APC: variants seen among roughly 807,000 people sequenced by gnomAD.
APC encodes adenomatous polyposis coli protein.
APC carries 72 observed loss-of-function variants against 247.0 expected under a neutral mutation model. That is an observed-to-expected ratio of 0.29 (90% CI 0.24 to 0.35). The LOEUF (loss-of-function observed/expected upper bound fraction) is 0.35, where lower values mean the gene tolerates loss of function less well. Among genes scored for constraint, APC ranks in the 10% least tolerant of loss-of-function variants. APC has a pLI of 1.00. For missense variants in APC, 3,400 were observed against 3,360.7 expected, an observed-to-expected ratio of 1.01 and a Z score of -0.29; for synonymous variants, 1,254 against 1,162.5, an observed-to-expected ratio of 1.08 and a Z score of -1.60.
Position 112,801,149 on chromosome 5 carries a change from C to G in APC, c.730-130C>G, listed in dbSNP as rs77553156. On this transcript the variant is annotated intron_variant, in intron 7 of 15. Transcript: ENST00000257430. ...ACTGGAGGTTATGAAGTGTAATACA[C>G]AGTTCCATGCCTTTATCAGTCTGTA... 1.8e-5 allele frequency: 12 copies of G among 665,334 alleles called. No homozygotes were observed. In the East Asian group the frequency reaches 3.5e-4, roughly 20 times the overall value. The allele number at this position is 665,334 out of a possible 1,614,324, so 41.2% of individuals were successfully genotyped here. A position where few individuals can be genotyped will look rare whatever the true frequency, so the allele number is the denominator to read the frequency against.
chr5:112,727,586 G>T (rs903941823), intron 1 of APC, among the ~76,000 whole-genome samples: 1 of 152,120 alleles, frequency 6.6e-6, no homozygotes, highest in Non-Finnish European at 1.5e-5. Flanking sequence ...GGGCTGATTT[G>T]TGTGTTATAA....
At chr5:112,742,730 C>T (rs1022959747) in intron 1 of APC, among the ~76,000 whole-genome samples, 5 of 152,140 alleles carry the variant, frequency 3.3e-5, no homozygotes, top group Non-Finnish European at 7.3e-5. Flanking sequence ...AGCCACACAC[C>T]ATTGCTTCTG....
At chr5:112,727,073 T>C (rs1036629175) in intron 1 of APC, among the ~76,000 whole-genome samples, 1 of 151,996 alleles carries the variant, frequency 6.6e-6, no homozygotes, top group African/African-American at 2.4e-5. Flanking sequence ...TTTTTGCCAT[T>C]GAAAGTAATG....
At chr5:112,768,042 T>A (rs900312792) in intron 4 of APC, among the ~76,000 whole-genome samples, 1 of 150,814 alleles carries the variant, frequency 6.6e-6, no homozygotes, top group Non-Finnish European at 1.5e-5. Flanking sequence ...TAAGACTCTT[T>A]CTTTTTTTTT....
rs1060504890 is a variant in APC, at chr5:112,840,352, G to A, written c.4758G>A (p.Lys1586=). The part of the protein sequence containing the change: ...EECIISAMPT[K]SSRKAKKPAQ... ...GTATTATTTCTGCCATGCCAACAAA[G>A]TCATCACGTAAAGCAAAAAAGCCAG... The change falls in exon 16 of 16, where the codon AAG becomes AAA. Residue 1586 remains lysine, a synonymous_variant. Transcript: ENST00000257430. This position sits in a 1 kb window ranked among gnomAD's most constrained non-coding sequence, Gnocchi z 4.1. 5 of 1,614,168 alleles carry A rather than the reference G, an allele frequency of 3.1e-6. No homozygotes were observed. Among genetic ancestry groups the A allele is most frequent in the Non-Finnish European group, 4.2e-6 (5 of 1,180,018 alleles).
At chr5:112,777,455 A>G (rs1757785249) in intron 5 of APC, among the ~76,000 whole-genome samples, 2 of 152,202 alleles carry the variant, frequency 1.3e-5, no homozygotes, top group African/African-American at 2.4e-5. Context: ...GAAGGAAGCA[A>G]CTACAGAAAG....
chr5:112,751,467 C>T (rs1754356736), intron 1 of APC, among the ~76,000 whole-genome samples: 1 of 152,044 alleles, frequency 6.6e-6, no homozygotes, highest in South Asian at 2.1e-4. Flanking sequence ...TCTTGGTATA[C>T]CAGAATAAGA....
chr5:112,740,530 T>C (rs1253251599), intron 1 of APC, among the ~76,000 whole-genome samples: 7 of 144,476 alleles, frequency 4.8e-5, no homozygotes, highest in African/African-American at 1.5e-4. Context: ...TTTTCTTTTT[T>C]TTTTTTTTTT....
At position 112,767,242 on chromosome 5, in the gene APC, T is replaced by G. The variant is rs1554069716; in HGVS notation, c.274T>G (p.Ser92Ala). ...TGGAGTAAAACTGCGGTCAAAAATG[T>G]CCCTCCGTTCTTATGGAAGCCGGGA... The part of the protein sequence containing the change: ...FPGVKLRSKM[S>A]LRSYGSREGS... Residue 92 changes from serine (S) to alanine (A), a missense_variant, in exon 4 of 16, where the codon TCC becomes GCC. Ser to Ala is a moderately conservative substitution (Grantham distance 99). Around this residue, in one of 9 missense-constraint regions of APC, gnomAD observed 372 missense variants for 367.6 expected, o/e 1.01. Coordinates refer to ENST00000257430, the MANE Select transcript of APC (RefSeq NM_000038.6). 3.1e-6 allele frequency: 5 copies of G among 1,614,168 alleles called. No homozygotes were observed. Among genetic ancestry groups the G allele is most frequent in the Non-Finnish European group, 3.4e-6 (4 of 1,180,026 alleles).
chr5:112,832,661 C>G (rs903728187), intron 14 of APC, among the ~76,000 whole-genome samples: 1 of 152,168 alleles, frequency 6.6e-6, no homozygotes, highest in Non-Finnish European at 1.5e-5. Context: ...TTCCCACTTC[C>G]CTGCCTTTCC....
chr5:112,822,342 A>G (rs1475706420), intron 11 of APC, among the ~76,000 whole-genome samples: 2 of 152,206 alleles, frequency 1.3e-5, no homozygotes, highest in Admixed American at 6.5e-5. Context: ...TTATTTTGAA[A>G]TGTGGAGCTG....
intron 1 of APC, among the ~76,000 whole-genome samples, chr5:112,729,244 A>G (rs1402914022): frequency 6.6e-6 from 1 of 152,142 alleles, no homozygotes; most frequent in Non-Finnish European, 1.5e-5. Context: ...TCTTCATGGG[A>G]TTTATATTCC....
At chr5:112,745,342 G>C (rs552956307) in intron 1 of APC, among the ~76,000 whole-genome samples, 1 of 152,002 alleles carries the variant, frequency 6.6e-6, no homozygotes, top group South Asian at 2.1e-4. Flanking sequence ...GATCTTTGAA[G>C]TATCCCCTAG....
chr5:112,777,430 A>G (rs975022078), intron 5 of APC, among the ~76,000 whole-genome samples: 1 of 152,130 alleles, frequency 6.6e-6, no homozygotes, highest in Non-Finnish European at 1.5e-5. Context: ...ATGGTATCTA[A>G]TTTTTCTTTC....
At chr5:112,828,049 C>T (rs2149814430) in intron 13 of APC, 43 bp downstream of exon 13, 1 of 1,539,412 alleles carries the variant, frequency 6.5e-7, no homozygotes, top group Non-Finnish European at 8.9e-7. Context: ...TTCTCTTTTT[C>T]TTTGAGGCAG....
At chr5:112,736,623 CTT>C (rs143738399), upstream of APC, among the ~76,000 whole-genome samples, 1,403 of 152,258 alleles carry the variant, frequency 9.2e-3, 18 homozygotes, top group African/African-American at 0.032. Flanking sequence ...CATTTAAAAA[CTT>C]TAAGTTTAGG....
chr5:112,728,787 A>G (rs550551777), intron 1 of APC, among the ~76,000 whole-genome samples: 3 of 152,196 alleles, frequency 2.0e-5, no homozygotes, highest in African/African-American at 7.2e-5. Context: ...CAGTGTGCAT[A>G]TGATTTCTGA....
chr5:112,712,559 CTTTTT>C (rs1044831987), intron 1 of APC, among the ~76,000 whole-genome samples: 1 of 140,774 alleles, frequency 7.1e-6, no homozygotes. Flanking sequence ...ACACCCAGCC[CTTTTT>C]TTTTTTTTTT....
In APC at chr5:112,754,858, T is replaced by C. The variant is rs746322859; in HGVS notation, c.-18-15T>C. Reference sequence around the variant, plus strand: ...TTTTTAGTAGTGAATTTCAAAATCCTTTTTAACCTTATAGGTCCAAGGGTA... The same window carrying C: ...TTTTTAGTAGTGAATTTCAAAATCCCTTTTAACCTTATAGGTCCAAGGGTA... On this transcript the variant is annotated splice_polypyrimidine_tract_variant and intron_variant, in intron 1 of 15. Transcript: ENST00000257430. 6.2e-7 allele frequency: 1 copy of C among 1,612,370 alleles called. No individual in the cohort carries two copies. Among genetic ancestry groups the C allele is most frequent in the South Asian group, 1.1e-5 (1 of 90,872 alleles).
Sources: allele counts gnomAD v4.1 joint callset (sites outside exome capture counted in the v4.1 genomes callset), GRCh38; gene constraint gnomAD v4.1.1; regional missense constraint gnomAD v4.1.1; non-coding constraint Gnocchi (gnomAD v3.1); transcripts MANE v1.5; gene names NCBI Gene and HGNC (gene_info 2026-07-23, HGNC 2026-07-21).